The following CAPZB variants were observed in gnomAD, a reference collection of about 807,000 sequenced individuals.
CAPZB encodes F-actin-capping protein subunit beta.
CAPZB carries 2 observed loss-of-function variants against 38.1 expected under a neutral mutation model. The ratio of observed to expected loss-of-function variants is 0.05; its 90% CI spans 0.02 to 0.17. The LOEUF is 0.17. CAPZB is among the 10% of genes least tolerant of loss of function. The probability of loss-of-function intolerance (pLI) is 1.00; values close to 1 mark genes in which losing one functional copy is unlikely to be tolerated. For synonymous variants in CAPZB, 107 were observed against 127.4 expected (o/e 0.84, Z 1.08); for missense variants, 161 against 334.2 (o/e 0.48, Z 4.04).
At chr1:19,360,456 T>C (rs908627811) in intron 4 of CAPZB, among the ~76,000 whole-genome samples, 3 of 152,222 alleles carry the variant, frequency 2.0e-5, no homozygotes, top group African/African-American at 7.2e-5. Flanking sequence ...CCTTCACAGA[T>C]CCATGCAGAG....
intron 2 of CAPZB, among the ~76,000 whole-genome samples, chr1:19,399,974 A>AAGC (rs527459331): frequency 6.6e-6 from 1 of 152,162 alleles, no homozygotes; most frequent in Non-Finnish European, 1.5e-5. Flanking sequence ...ACACAGATGC[A>AAGC]AGCAGCTGAG....
chr1:19,474,408 C>T (rs114683426), intron 1 of CAPZB, among the ~76,000 whole-genome samples: 2,626 of 152,254 alleles, frequency 0.017, 38 homozygotes, highest in Middle Eastern at 0.037. Flanking sequence ...AGGTTCAAGC[C>T]CGCACAGTTC....
At chr1:19,446,086 G>C (rs1166629591) in intron 1 of CAPZB, among the ~76,000 whole-genome samples, 1 of 152,182 alleles carries the variant, frequency 6.6e-6, no homozygotes, top group Non-Finnish European at 1.5e-5. Context: ...GGGTCAGCGA[G>C]GTCAGTTCCA....
intron 4 of CAPZB, among the ~76,000 whole-genome samples, chr1:19,371,414 G>T (rs1041849259): frequency 6.6e-6 from 1 of 152,346 alleles, no homozygotes; most frequent in African/African-American, 2.4e-5. Flanking sequence ...CTGGCTGGAC[G>T]CAAGGCGTGA....
rs192891349 is a variant in CAPZB, at chr1:19,402,566, C to T, written c.94-16940G>A. On this transcript the variant is annotated intron_variant, in intron 2 of 8. Coordinates refer to ENST00000264202, the MANE Select transcript of CAPZB (RefSeq NM_004930.5). ...AAAGCTCACTAGACACCAATTCACA[C>T]GCTCTATCTAATCAGGCAGAAACCC... 1.8e-4 allele frequency among the ~76,000 whole-genome samples: 27 copies of T among 152,324 alleles called. No individual in the cohort carries two copies. In the East Asian group the frequency reaches 5.0e-3, roughly 28 times the overall value.
At position 19,386,635 on chromosome 1, in the gene CAPZB, C is replaced by G. The variant is rs548782269; in HGVS notation, c.94-1009G>C. On this transcript the variant is annotated intron_variant, in intron 2 of 8. Transcript: ENST00000264202. The stretch of plus-strand genomic sequence containing the variant: ...GGTTCCTGTGTTCTTCCAGAAGGCC[C>G]TTGCCACCATCCAAGAGACAGGCAG... Among the ~76,000 whole-genome samples the G allele has an allele frequency of 9.2e-5, 14 of 152,342 alleles. No individual in the cohort carries two copies. The South Asian group carries it at 2.9e-3, about 32-fold the overall frequency.
chr1:19,448,919 G>GC, intron 1 of CAPZB: 1 of 1,612,926 alleles, frequency 6.2e-7, no homozygotes, highest in Non-Finnish European at 8.5e-7. Context: ...GGGCATTGGA[G>GC]GAGGTGATGG....
chr1:19,416,349 G>A (rs1450487896), intron 2 of CAPZB, among the ~76,000 whole-genome samples: 2 of 152,128 alleles, frequency 1.3e-5, no homozygotes, highest in Non-Finnish European at 2.9e-5. Flanking sequence ...TGGCAAGCAG[G>A]AGAAACCAGA....
intron 1 of CAPZB, among the ~76,000 whole-genome samples, chr1:19,462,633 A>C (rs1463129061): frequency 6.6e-6 from 1 of 152,164 alleles, no homozygotes; most frequent in Non-Finnish European, 1.5e-5. Flanking sequence ...ATAAATAATA[A>C]CCACATATGA....
At chr1:19,391,839 A>G (rs2094237469) in intron 2 of CAPZB, among the ~76,000 whole-genome samples, 1 of 152,196 alleles carries the variant, frequency 6.6e-6, no homozygotes, top group Admixed American at 6.5e-5. Flanking sequence ...AGAGATGGAC[A>G]TGGGCGGCCC....
chr1:19,421,037 A>G (rs1027200717), intron 1 of CAPZB, among the ~76,000 whole-genome samples: 1 of 152,216 alleles, frequency 6.6e-6, no homozygotes, highest in Non-Finnish European at 1.5e-5. Context: ...TTAGAAGTAC[A>G]GGTGACTCCA....
At chr1:19,340,879 C>G (rs1032199010) in intron 8 of CAPZB, among the ~76,000 whole-genome samples, 1 of 151,906 alleles carries the variant, frequency 6.6e-6, no homozygotes, top group Non-Finnish European at 1.5e-5. Context: ...GGGTAGAGGG[C>G]TGCTCAAGAA....
intron 1 of CAPZB, among the ~76,000 whole-genome samples, chr1:19,463,969 C>T (rs1423254187): frequency 2.7e-5 from 4 of 150,138 alleles, no homozygotes; most frequent in Non-Finnish European, 5.9e-5. Flanking sequence ...CACTTGAGAC[C>T]AGGAGTTTGA....
intron 2 of CAPZB, among the ~76,000 whole-genome samples, chr1:19,398,306 C>A (rs1223371897): frequency 6.8e-6 from 1 of 148,078 alleles, no homozygotes; most frequent in Non-Finnish European, 1.5e-5. Context: ...CCTGATAGCC[C>A]CTTGGGAGGC....
intron 2 of CAPZB, among the ~76,000 whole-genome samples, chr1:19,392,660 A>G (rs57783609): frequency 0.051 from 7,698 of 151,920 alleles, 643 homozygotes; most frequent in African/African-American, 0.17. Flanking sequence ...GCATGGTGGC[A>G]TGTTCCTGTA....
chr1:19,449,615 CTG>C (rs983575542), intron 1 of CAPZB, among the ~76,000 whole-genome samples: 1 of 151,974 alleles, frequency 6.6e-6, no homozygotes, highest in Non-Finnish European at 1.5e-5. Flanking sequence ...CGGCAAAACT[CTG>C]TCTCTACTAA....
At chr1:19,425,765 G>A (rs187681119) in intron 1 of CAPZB, among the ~76,000 whole-genome samples, 22 of 152,254 alleles carry the variant, frequency 1.4e-4, no homozygotes, top group African/African-American at 4.1e-4. Context: ...TCAGACATCC[G>A]ACGGTATTAT....
chr1:19,444,643 G>A (rs985311665), intron 1 of CAPZB, among the ~76,000 whole-genome samples: 1 of 152,196 alleles, frequency 6.6e-6, no homozygotes, highest in Non-Finnish European at 1.5e-5. Flanking sequence ...CAATCCTCCA[G>A]CCAAAGTAAG....
intron 2 of CAPZB, among the ~76,000 whole-genome samples, chr1:19,407,306 C>T (rs2094336846): frequency 6.6e-6 from 1 of 152,156 alleles, no homozygotes; most frequent in Non-Finnish European, 1.5e-5. Context: ...TAGGTAGCAG[C>T]AGGTGAGCTG....
Sources: gnomAD v4.1 joint callset for allele counts (sites outside exome capture counted in the v4.1 genomes callset) on GRCh38, gnomAD v4.1.1 for gene constraint, MANE v1.5 for transcripts, NCBI Gene and HGNC (gene_info 2026-07-23, HGNC 2026-07-21) for gene names.